Variants in FANCD2 observed in about 807,000 individuals in gnomAD.
FANCD2 encodes the protein FA complementation group D2.
A neutral mutation model predicts 192.3 loss-of-function variants in FANCD2; 131 were observed. That is an observed-to-expected ratio of 0.68 (90% CI 0.59 to 0.79). The LOEUF (loss-of-function observed/expected upper bound fraction) is 0.79, where lower values mean the gene tolerates loss of function less well. FANCD2 is among the 30% of genes least tolerant of loss of function. The pLI, the probability that FANCD2 is intolerant of heterozygous loss-of-function variation, is 0.00. For missense variants in FANCD2, 1,508 were observed against 1,701.6 expected, an observed-to-expected ratio of 0.89 and a Z score of 2.00; for synonymous variants, 524 against 612.5, an observed-to-expected ratio of 0.86 and a Z score of 2.13.
At chr3:10,039,998 A>G in intron 9 of FANCD2, 153 bp downstream of exon 9, 1 of 760,458 alleles carries the variant, frequency 1.3e-6, no homozygotes, top group Non-Finnish European at 2.1e-6. Flanking sequence ...GACTTAAAAA[A>G]AAAAGGTATA....
chr3:10,058,825 C>A (rs1479795765), intron 18 of FANCD2, among the ~76,000 whole-genome samples: 1 of 152,000 alleles, frequency 6.6e-6, no homozygotes, highest in Non-Finnish European at 1.5e-5. Context: ...AGTTTGGGGT[C>A]CCTTGAAATT....
At chr3:10,075,716 A>G (rs1185728520) in intron 29 of FANCD2, among the ~76,000 whole-genome samples, 1 of 148,892 alleles carries the variant, frequency 6.7e-6, no homozygotes, top group Non-Finnish European at 1.5e-5. Context: ...CCTTCAGAAC[A>G]GAAATAGTAT....
At position 10,048,059 on chromosome 3, in the gene FANCD2, G is replaced by A. The variant is rs2087079196; in HGVS notation, c.1413+8G>A. The A allele has an allele frequency of 6.2e-7, 1 of 1,614,224 alleles. No individual in the cohort carries two copies. The highest frequency in any genetic ancestry group is 8.5e-7 in the Non-Finnish European group (1 of 1,180,046). On this transcript the variant is annotated splice_region_variant and intron_variant, in intron 16 of 43. Transcript: ENST00000675286. ...GACACGTACTGCCAGCAGGTATGTTGAAACATTTATTTTGGCAAGGAGGGA... is the reference window on the plus strand; with the variant it reads ...GACACGTACTGCCAGCAGGTATGTTAAAACATTTATTTTGGCAAGGAGGGA...
intron 19 of FANCD2, among the ~76,000 whole-genome samples, chr3:10,060,896 G>A (rs1327810660): frequency 2.0e-5 from 3 of 152,252 alleles, no homozygotes; most frequent in South Asian, 2.1e-4. Flanking sequence ...ATTACAAACC[G>A]ACATTGGATT....
intron 42 of FANCD2, among the ~76,000 whole-genome samples, chr3:10,097,896 C>T (rs1288221213): frequency 1.3e-5 from 2 of 152,282 alleles, no homozygotes; most frequent in East Asian, 1.9e-4. Context: ...TCACAATCCA[C>T]GTTCTTCTGT....
intron 9 of FANCD2, 147 bp downstream of exon 9, chr3:10,039,992 T>TAA: frequency 1.4e-5 from 9 of 642,580 alleles, no homozygotes; most frequent in East Asian, 6.8e-5. Context: ...GGATTTGACT[T>TAA]AAAAAAAAAA....
chr3:10,073,174 G>A, intron 27 of FANCD2, 79 bp from the exon 28 acceptor site: 2 of 1,184,776 alleles, frequency 1.7e-6, no homozygotes, highest in East Asian at 4.8e-5. Flanking sequence ...TTTCCAACAG[G>A]TTGTTTTCTG....
At chr3:10,029,017 G>A (rs1399492245) in intron 2 of FANCD2, among the ~76,000 whole-genome samples, 1 of 152,160 alleles carries the variant, frequency 6.6e-6, no homozygotes, top group East Asian at 1.9e-4. Context: ...ACATAACATA[G>A]TCTGTACCCT....
intron 12 of FANCD2, 83 bp downstream of exon 12, chr3:10,043,233 A>C: frequency 1.0e-6 from 1 of 987,182 alleles, no homozygotes; most frequent in South Asian, 1.3e-5. Context: ...ACTACAAATA[A>C]TGATACTATT....
chr3:10,039,573 T>A, intron 8 of FANCD2, 148 bp from the exon 9 acceptor site: 1 of 948,862 alleles, frequency 1.1e-6, no homozygotes, highest in Non-Finnish European at 1.6e-6. Flanking sequence ...TTAAATAAAT[T>A]AAATATTTGG....
In FANCD2 at chr3:10,027,803, G is replaced by C. The variant is rs191231166; in HGVS notation, c.-33-822G>C. On this transcript the variant is annotated intron_variant, in intron 1 of 43. Coordinates refer to ENST00000675286, the MANE Select transcript of FANCD2 (RefSeq NM_001018115.3). ...GCCTGTAGTCCCAGCTACTTGGGAA[G>C]CTGAGGCAGGAGAATGGTGTGAACC... Among the ~76,000 whole-genome samples the C allele has an allele frequency of 2.2e-3, 335 of 151,752 alleles. 8 individuals carry two copies. Among genetic ancestry groups the C allele is most frequent in the Admixed American group, 0.021 (312 of 15,206 alleles).
At chr3:10,048,461 G>A (rs956688585) in intron 16 of FANCD2, among the ~76,000 whole-genome samples, 2 of 152,058 alleles carry the variant, frequency 1.3e-5, no homozygotes, top group African/African-American at 2.4e-5. Context: ...ACACCACCAC[G>A]CCCGGTTAAT....
rs745930696 is a variant in FANCD2, at chr3:10,092,220, C to T, written c.3817C>T (p.Arg1273Ter). 1.2e-5 allele frequency: 20 copies of T among 1,613,800 alleles called. No individual in the cohort carries two copies. The highest frequency in any genetic ancestry group is 6.7e-5 in the Admixed American group (4 of 59,988). Residue 1273 changes from arginine to a stop codon, truncating the protein, a stop_gained, in exon 38 of 44, where the codon CGA becomes TGA. Transcript: ENST00000675286. LOFTEE classifies it high-confidence loss of function. ...ACTCCTCTACTGGAACATGGCTGTT[C>T]GAGACTTCAGTATCCTCATCAACTT... The part of the protein sequence containing the change: ...EKLLYWNMAV[R>*]DFSILINLIK...
intron 26 of FANCD2, 56 bp from the exon 27 acceptor site, chr3:10,072,815 T>G: frequency 1.1e-6 from 1 of 947,838 alleles, no homozygotes. Context: ...GAATTTCAAG[T>G]CTAATGGTGG....
rs189140238 is a variant in FANCD2, at chr3:10,066,055, C to A, written c.2385+76C>A. 2.2e-3 allele frequency: 2,107 copies of A among 937,018 alleles called. 8 individuals are homozygous for A. The highest frequency in any genetic ancestry group is 3.3e-3 in the South Asian group (240 of 72,600). 58.0% of individuals were successfully genotyped at this position (937,018 alleles called of 1,614,324 possible). A position where few individuals can be genotyped will look rare whatever the true frequency, so the allele number is the denominator to read the frequency against. ...AACTATTTTCTTAGTTCCCACAAGA[C>A]TCCCTAGAAGTCTTCACCAAGCACT... On this transcript the variant is annotated intron_variant, in intron 25 of 43. Transcript: ENST00000675286.
chr3:10,056,103 T>A (rs1182455609), intron 18 of FANCD2, among the ~76,000 whole-genome samples: 12 of 152,222 alleles, frequency 7.9e-5, no homozygotes. Flanking sequence ...GGTCTTGAAC[T>A]CCTCACCTCA....
chr3:10,036,328 T>C lies in FANCD2; in HGVS notation c.480T>C (p.Tyr160=). Residue 160 remains tyrosine, a synonymous_variant, in exon 7 of 44, where the codon TAT becomes TAC. Transcript: ENST00000675286. ...IKTLFEKLPE[Y]FFENKNSDEI... is the part of the protein sequence containing the mutation. ...CCTTATTTGAGAAGTTGCCAGAATA[T>C]TTTTTTGAAAAGTAAGTGGCGTTAT... 1 of 1,611,142 alleles carries C rather than the reference T, an allele frequency of 6.2e-7. No individual in the cohort carries two copies. The highest frequency in any genetic ancestry group is 8.5e-7 in the Non-Finnish European group (1 of 1,177,552).
At chr3:10,055,955 C>T (rs1314252663) in intron 18 of FANCD2, among the ~76,000 whole-genome samples, 10 of 152,098 alleles carry the variant, frequency 6.6e-5, no homozygotes, top group South Asian at 2.1e-4. Context: ...CTTGGCTTAC[C>T]GCAACCTCTG....
intron 7 of FANCD2, 66 bp downstream of exon 7, chr3:10,036,405 A>G (rs902307371): frequency 8.4e-7 from 1 of 1,189,214 alleles, no homozygotes; most frequent in Middle Eastern, 1.9e-4. Flanking sequence ...TGAAAAGGTT[A>G]CTCTGAAAAC....
Sources: gnomAD v4.1 joint callset for allele counts (sites outside exome capture counted in the v4.1 genomes callset) on GRCh38, gnomAD v4.1.1 for gene constraint, MANE v1.5 for transcripts, NCBI Gene and HGNC (gene_info 2026-07-23, HGNC 2026-07-21) for gene names.